EHD3: variants seen among roughly 807,000 people sequenced by gnomAD.
EHD3 encodes EH domain containing 3.
A neutral mutation model predicts 43.0 loss-of-function variants in EHD3; 17 were observed. The ratio of observed to expected loss-of-function variants is 0.40; its 90% CI spans 0.27 to 0.59. The LOEUF is 0.59. Among genes scored for constraint, EHD3 ranks in the 20% least tolerant of loss-of-function variants. The pLI is 0.49. For synonymous variants in EHD3, 313 were observed against 289.5 expected (o/e 1.08, Z -0.82); for missense variants, 594 against 705.6 (o/e 0.84, Z 1.79).
chr2:31,265,492 A>G (rs922090036), intron 5 of EHD3, among the ~76,000 whole-genome samples: 2 of 152,198 alleles, frequency 1.3e-5, no homozygotes, highest in Non-Finnish European at 2.9e-5. Flanking sequence ...TGACTGAAAC[A>G]TTGTAATGCA....
intron 3 of EHD3, among the ~76,000 whole-genome samples, chr2:31,258,802 A>G (rs964213617): frequency 6.6e-6 from 1 of 152,226 alleles, no homozygotes; most frequent in African/African-American, 2.4e-5. Context: ...CCTTGGACCA[A>G]CAGCATCAGA....
At chr2:31,250,268 CTTTT>C (rs34290931) in intron 3 of EHD3, among the ~76,000 whole-genome samples, 4 of 126,070 alleles carry the variant, frequency 3.2e-5, no homozygotes, top group East Asian at 2.5e-4. Flanking sequence ...TCGTTGTTTT[CTTTT>C]TTTTTTTTTT....
intron 1 of EHD3, among the ~76,000 whole-genome samples, chr2:31,239,187 G>A (rs571225216): frequency 6.6e-6 from 1 of 152,318 alleles, no homozygotes; most frequent in African/African-American, 2.4e-5. Context: ...GGGAAAGATG[G>A]TTCTCCAGAA....
Position 31,266,832 on chromosome 2 carries a change from C to G in EHD3, c.*128C>G. ...CACATATGCATATCTTGACATTGCT[C>G]TGTAGGTGAGAGAGGACCATGACGC... On this transcript the variant is annotated 3_prime_UTR_variant, in exon 6 of 6. Coordinates refer to ENST00000322054, the MANE Select transcript of EHD3 (RefSeq NM_014600.3). This position sits in a 1 kb window ranked among gnomAD's most constrained non-coding sequence, Gnocchi z 5.1. 8.1e-7 allele frequency: 1 copy of G among 1,237,450 alleles called. No individual in the cohort carries two copies. Among genetic ancestry groups the G allele is most frequent in the Non-Finnish European group, 1.1e-6 (1 of 916,084 alleles). The allele number at this position is 1,237,450 out of a possible 1,614,324, so 76.7% of individuals were successfully genotyped here.
chr2:31,241,697 T>G (rs936774733), intron 1 of EHD3, among the ~76,000 whole-genome samples: 9 of 152,198 alleles, frequency 5.9e-5, no homozygotes, highest in Non-Finnish European at 1.2e-4. Context: ...AGTGAGGTAC[T>G]GAGGTTCCCT....
rs777410186 is a variant in EHD3 at position 31,266,716 on chromosome 2, G to A, written c.*12G>A. 1.3e-6 allele frequency: 2 copies of A among 1,582,526 alleles called. No individual in the cohort carries two copies. Among genetic ancestry groups the A allele is most frequent in the African/African-American group, 1.3e-5 (1 of 74,586 alleles). ...AAGTTGCCGAGTGATGGGGTGGGGG[G>A]ACATTCAGACGGGCAGTGTTAGAGG... On this transcript the variant is annotated 3_prime_UTR_variant, in exon 6 of 6. Coordinates refer to ENST00000322054, the MANE Select transcript of EHD3 (RefSeq NM_014600.3). The surrounding 1 kb of genome is among the most constrained non-coding windows in gnomAD (Gnocchi z 5.1).
At chr2:31,239,667 G>A (rs979540330) in intron 1 of EHD3, among the ~76,000 whole-genome samples, 1 of 152,186 alleles carries the variant, frequency 6.6e-6, no homozygotes, top group Non-Finnish European at 1.5e-5. Context: ...CAGAGGTCAG[G>A]CCACCTCCCC....
In EHD3 at chr2:31,267,538, A is replaced by G. The variant is rs1387566515; in HGVS notation, c.*834A>G. On this transcript the variant is annotated 3_prime_UTR_variant, in exon 6 of 6. Transcript: ENST00000322054. ...CCAGGAGCTGTGTTAGGCACTTTAT[A>G]TACATTATTCTATGTGGCCCTCACT... The G allele has an allele frequency of 1.3e-5, 2 of 152,702 alleles. No homozygotes were observed. Among genetic ancestry groups the G allele is most frequent in the South Asian group, 4.1e-4 (2 of 4,828 alleles). The allele number at this position is 152,702 out of a possible 1,614,324, so 9.5% of individuals were successfully genotyped here. A position where few individuals can be genotyped will look rare whatever the true frequency, so the allele number is the denominator to read the frequency against.
Position 31,261,725 on chromosome 2 carries a change from TG to T in EHD3, c.1080+16del. The T allele has an allele frequency of 6.2e-7, 1 of 1,613,528 alleles. No individual in the cohort carries two copies. The highest frequency in any genetic ancestry group is 8.5e-7 in the Non-Finnish European group (1 of 1,179,628). ...TGAAGAGGATGCAGGTAGCGAGGGC[TG>T]GGGTCTCTAAGACAAGGGACAGTGT... On this transcript the variant is annotated intron_variant, in intron 5 of 5. Transcript: ENST00000322054.
chr2:31,235,552 A>C (rs986167375), intron 1 of EHD3, among the ~76,000 whole-genome samples: 8 of 152,130 alleles, frequency 5.3e-5, no homozygotes, highest in African/African-American at 1.7e-4. Context: ...CCAGTTGCTG[A>C]GTTTGCAGGT....
At chr2:31,240,203 C>G (rs1345799893) in intron 1 of EHD3, among the ~76,000 whole-genome samples, 3 of 152,216 alleles carry the variant, frequency 2.0e-5, no homozygotes, top group African/African-American at 7.2e-5. Context: ...ATGAGGCCGA[C>G]AGGGCAAGTA....
At position 31,267,169 on chromosome 2, in the gene EHD3, G is replaced by C. The variant is rs1683970257; in HGVS notation, c.*465G>C. The stretch of plus-strand genomic sequence containing the variant: ...GCTTCCTAATAAGAAATCCATTCAA[G>C]AGCTAGGAGATCTGAGGGCAGGCGG... On this transcript the variant is annotated 3_prime_UTR_variant, in exon 6 of 6. Transcript: ENST00000322054. The C allele has an allele frequency of 6.4e-6, 1 of 155,982 alleles. No homozygotes were observed. 9.7% of individuals were successfully genotyped at this position (155,982 alleles called of 1,614,324 possible). A position where few individuals can be genotyped will look rare whatever the true frequency, so the allele number is the denominator to read the frequency against.
chr2:31,259,648 G>A (rs1246561472), intron 3 of EHD3, among the ~76,000 whole-genome samples: 2 of 152,186 alleles, frequency 1.3e-5, no homozygotes, highest in African/African-American at 4.8e-5. Flanking sequence ...TGATTACAAA[G>A]GAAAGAGCCT....
chr2:31,247,940 A>G (rs919947140), intron 2 of EHD3, among the ~76,000 whole-genome samples: 4 of 152,252 alleles, frequency 2.6e-5, no homozygotes, highest in South Asian at 2.1e-4. Context: ...GCAGGCACCT[A>G]TGAAATCGTG....
Position 31,234,742 on chromosome 2 carries a change from C to G in EHD3, c.121C>G (p.Arg41Gly), listed in dbSNP as rs925161736. 1.2e-6 allele frequency: 2 copies of G among 1,614,180 alleles called. No individual in the cohort carries two copies. The highest frequency in any genetic ancestry group is 3.3e-5 in the Admixed American group (2 of 60,030). Residue 41 changes from arginine (R) to glycine (G), a missense_variant, in exon 1 of 6, where the codon CGC becomes GGC. Physicochemically the swap from Arg to Gly is moderately radical, Grantham distance 125 (BLOSUM62 -2). This residue lies in a region of EHD3 where 243 missense variants were observed against 296.7 expected (regional missense o/e 0.82). Coordinates refer to ENST00000322054, the MANE Select transcript of EHD3 (RefSeq NM_014600.3). ...SKLLPLEEHY[R>G]FHEFHSPALE... ...GCTGCTGCCCTTGGAAGAGCATTAC[C>G]GCTTCCACGAGTTCCACTCGCCCGC...
intron 3 of EHD3, among the ~76,000 whole-genome samples, chr2:31,257,657 G>A (rs1052493296): frequency 3.9e-5 from 6 of 152,166 alleles, no homozygotes; most frequent in African/African-American, 7.2e-5. Flanking sequence ...ACATCTTACC[G>A]TCTGCAGCAA....
intron 3 of EHD3, among the ~76,000 whole-genome samples, chr2:31,259,074 G>A (rs994668650): frequency 2.0e-5 from 3 of 152,140 alleles, no homozygotes; most frequent in African/African-American, 7.2e-5. Flanking sequence ...CCCATTCGAT[G>A]GTGGCAATGA....
chr2:31,237,297 A>C (rs1198058039), intron 1 of EHD3, among the ~76,000 whole-genome samples: 1 of 151,556 alleles, frequency 6.6e-6, no homozygotes, highest in Non-Finnish European at 1.5e-5. Context: ...AAATATATTT[A>C]TATATAAAGC....
chr2:31,240,256 G>A (rs972943754), intron 1 of EHD3, among the ~76,000 whole-genome samples: 2 of 152,116 alleles, frequency 1.3e-5, no homozygotes. Flanking sequence ...CCTCATTCTT[G>A]TGCATCCCCG....
Sources: gnomAD v4.1 joint callset for allele counts (sites outside exome capture counted in the v4.1 genomes callset) on GRCh38, gnomAD v4.1.1 for gene constraint, gnomAD v4.1.1 regional missense constraint, Gnocchi (gnomAD v3.1) non-coding constraint, MANE v1.5 for transcripts, NCBI Gene and HGNC (gene_info 2026-07-23, HGNC 2026-07-21) for gene names.